PLXDC1: variants seen among roughly 807,000 people sequenced by gnomAD.
PLXDC1 encodes plexin domain containing 1.
PLXDC1 carries 39 observed loss-of-function variants against 61.3 expected under a neutral mutation model. That is an observed-to-expected ratio of 0.64 (90% confidence interval 0.49 to 0.83). The LOEUF is 0.83. Among genes scored for constraint, PLXDC1 ranks in the 40% least tolerant of loss-of-function variants. The probability of loss-of-function intolerance (pLI) is 0.00; values close to 1 mark genes in which losing one functional copy is unlikely to be tolerated. For missense variants in PLXDC1, 596 were observed against 666.5 expected, an observed-to-expected ratio of 0.89 and a Z score of 1.17; for synonymous variants, 212 against 254.5, an observed-to-expected ratio of 0.83 and a Z score of 1.59.
chr17:39,128,120 T>TACAC (rs1320549115), intron 2 of PLXDC1, among the ~76,000 whole-genome samples: 2 of 118,808 alleles, frequency 1.7e-5, no homozygotes, highest in Non-Finnish European at 3.4e-5. Context: ...TATATGTATA[T>TACAC]ATATATGTGT....
At chr17:39,107,742 T>C (rs1452240626) in intron 5 of PLXDC1, 3 of 599,712 alleles carry the variant, frequency 5.0e-6, no homozygotes, top group African/African-American at 3.7e-5. Context: ...CCCCAGATAC[T>C]GTACTTGATC....
In PLXDC1 at chr17:39,151,581, G is replaced by A; in HGVS notation, c.-144C>T. 8.5e-7 allele frequency: 1 copy of A among 1,174,816 alleles called. No homozygotes were observed. Among genetic ancestry groups the A allele is most frequent in the Non-Finnish European group, 1.1e-6 (1 of 951,112 alleles). The allele number at this position is 1,174,816 out of a possible 1,614,324, so 72.8% of individuals were successfully genotyped here. On this transcript the variant is annotated 5_prime_UTR_variant, in exon 1 of 14. Transcript: ENST00000315392. This position sits in a 1 kb window ranked among gnomAD's most constrained non-coding sequence, Gnocchi z 5.2. ...GAGACGGCGGAGCGCGGGGCCGGGC[G>A]AGCCGGCAGGAGCGGCGAGAGCGCG...
At chr17:39,131,017 C>T (rs931771000) in intron 2 of PLXDC1, among the ~76,000 whole-genome samples, 2 of 152,092 alleles carry the variant, frequency 1.3e-5, no homozygotes, top group Non-Finnish European at 2.9e-5. Context: ...GCTGAGTAGC[C>T]GGGAGCAGTG....
rs1908961870 is a variant in PLXDC1, at chr17:39,068,013, C to T, written c.1384-54G>A. ...GGGCATGCCCCCGCCCCCATGGGGA[C>T]CCCACACTCCTGAGCGACAGAGCCA... On this transcript the variant is annotated intron_variant, in intron 13 of 13. Transcript: ENST00000315392. 5 of 1,583,864 alleles carry T rather than the reference C, an allele frequency of 3.2e-6. No individual in the cohort carries two copies. In the East Asian group the frequency reaches 1.1e-4, roughly 36 times the overall value.
Position 39,087,715 on chromosome 17 carries a change from C to A in PLXDC1, c.812-13G>T. On this transcript the variant is annotated splice_polypyrimidine_tract_variant and intron_variant, in intron 7 of 13. Transcript: ENST00000315392. ...CTTCGCCGAGATTCTGAAACAGAGG[C>A]AGAGCCTGTTGTCAGGAGCATATCA... 1 of 1,599,450 alleles carries A rather than the reference C, an allele frequency of 6.3e-7. No homozygotes were observed. Among genetic ancestry groups the A allele is most frequent in the South Asian group, 1.1e-5 (1 of 90,382 alleles).
At chr17:39,118,797 C>A (rs16238) in intron 2 of PLXDC1, among the ~76,000 whole-genome samples, 54,024 of 151,952 alleles carry the variant, frequency 0.36, 9,982 homozygotes, top group African/African-American at 0.45. Context: ...GCTTGTGCAG[C>A]CTGAGCCAAT....
intron 7 of PLXDC1, among the ~76,000 whole-genome samples, chr17:39,104,262 A>C (rs1191440905): frequency 6.6e-6 from 1 of 152,180 alleles, no homozygotes; most frequent in African/African-American, 2.4e-5. Flanking sequence ...ATAAAGAAAT[A>C]AACGCAGAGA....
rs117300196 is a variant in PLXDC1, at chr17:39,136,430, T to C, written c.255+3224A>G. Among the ~76,000 whole-genome samples, 583 of 152,344 alleles carry C rather than the reference T, an allele frequency of 3.8e-3. 7 individuals are homozygous for C. Among genetic ancestry groups the C allele is most frequent in the Non-Finnish European group, 2.0e-3 (139 of 68,036 alleles). On this transcript the variant is annotated intron_variant, in intron 2 of 13. Coordinates refer to ENST00000315392, the MANE Select transcript of PLXDC1 (RefSeq NM_020405.5). ...TATCAAAAGTTTATTATGTTTTTTA[T>C]AGAGGCAAGTTCTCGTTATGTTGCC...
At chr17:39,142,976 A>G (rs1411066230) in intron 1 of PLXDC1, among the ~76,000 whole-genome samples, 2 of 152,014 alleles carry the variant, frequency 1.3e-5, no homozygotes, top group Non-Finnish European at 2.9e-5. Context: ...CGTCTCTACT[A>G]AAAATACAAA....
intron 7 of PLXDC1, among the ~76,000 whole-genome samples, chr17:39,099,309 A>G (rs892975600): frequency 2.6e-5 from 4 of 152,142 alleles, no homozygotes; most frequent in African/African-American, 9.7e-5. Flanking sequence ...TCAGAGGCAG[A>G]TGCTACCGGG....
At chr17:39,084,690 C>T (rs553494726) in intron 8 of PLXDC1, among the ~76,000 whole-genome samples, 19 of 152,158 alleles carry the variant, frequency 1.2e-4, no homozygotes, top group Admixed American at 3.3e-4. Context: ...GGAATTAGTA[C>T]GAATGAAGAG....
chr17:39,129,169 T>A (rs1911450721), intron 2 of PLXDC1, among the ~76,000 whole-genome samples: 1 of 150,296 alleles, frequency 6.7e-6, no homozygotes, highest in Non-Finnish European at 1.5e-5. Flanking sequence ...AATACAAAAA[T>A]TAGCTGGGCG....
intron 2 of PLXDC1, among the ~76,000 whole-genome samples, chr17:39,127,881 C>T (rs1304836544): frequency 1.5e-5 from 2 of 135,328 alleles, no homozygotes; most frequent in African/African-American, 5.7e-5. Flanking sequence ...TGGCGTGAAC[C>T]GAGGAGGTGG....
chr17:39,114,868 C>T (rs986333994), intron 2 of PLXDC1, among the ~76,000 whole-genome samples: 1 of 152,180 alleles, frequency 6.6e-6, no homozygotes, highest in Admixed American at 6.5e-5. Context: ...GCTTCCTGGG[C>T]CCCGCACAGC....
intron 1 of PLXDC1, among the ~76,000 whole-genome samples, chr17:39,141,857 G>A (rs977699806): frequency 6.6e-6 from 1 of 152,044 alleles, no homozygotes; most frequent in Non-Finnish European, 1.5e-5. Flanking sequence ...ATCCTAACAG[G>A]TATGAGGTTA....
intron 2 of PLXDC1, among the ~76,000 whole-genome samples, chr17:39,134,516 T>G (rs1292529300): frequency 6.6e-6 from 1 of 150,952 alleles, no homozygotes; most frequent in Non-Finnish European, 1.5e-5. Context: ...GTCCCAGCTA[T>G]TCAGGAGGCT....
chr17:39,129,142 A>G (rs1911449996), intron 2 of PLXDC1, among the ~76,000 whole-genome samples: 1 of 149,900 alleles, frequency 6.7e-6, no homozygotes, highest in Admixed American at 6.7e-5. Flanking sequence ...ACATGGCAAA[A>G]TCCCATCCCT....
At chr17:39,077,851 G>A in intron 11 of PLXDC1, 62 bp downstream of exon 11, 1 of 1,583,450 alleles carries the variant, frequency 6.3e-7, no homozygotes, top group Admixed American at 1.7e-5. Context: ...GGGGGCCCCA[G>A]AGGGGTGGGT....
At chr17:39,074,274 G>T (rs1319689155) in intron 11 of PLXDC1, among the ~76,000 whole-genome samples, 1 of 152,168 alleles carries the variant, frequency 6.6e-6, no homozygotes, top group African/African-American at 2.4e-5. Flanking sequence ...GTAGGTTGAG[G>T]TGGGAGGATC....
Sources: allele counts gnomAD v4.1 joint callset (sites outside exome capture counted in the v4.1 genomes callset), GRCh38; gene constraint gnomAD v4.1.1; non-coding constraint Gnocchi (gnomAD v3.1); transcripts MANE v1.5; gene names NCBI Gene and HGNC (gene_info 2026-07-23, HGNC 2026-07-21).